Variants in FAT2 observed in about 807,000 individuals in gnomAD.
The protein encoded by FAT2 is FAT atypical cadherin 2.
A neutral mutation model predicts 295.3 loss-of-function variants in FAT2; 150 were observed. The observed-to-expected ratio is 0.51, with a 90% CI of 0.44 to 0.58. FAT2 has a LOEUF of 0.58. Ranked by LOEUF, FAT2 falls within the 20% of genes least tolerant of loss-of-function variation. The pLI is 0.00. For missense variants in FAT2, 4,868 were observed against 5,442.7 expected, an observed-to-expected ratio of 0.89 and a Z score of 3.32; for synonymous variants, 2,026 against 2,150.3, an observed-to-expected ratio of 0.94 and a Z score of 1.60.
rs201177490 is a variant in FAT2, at chr5:151,540,686, G to A, written c.8920C>T (p.Arg2974Cys). 3.0e-5 allele frequency: 48 copies of A among 1,614,046 alleles called. No individual in the cohort carries two copies. The highest frequency in any genetic ancestry group is 8.0e-5 in the African/African-American group (6 of 74,926). Residue 2974 changes from arginine (R) to cysteine (C), a missense_variant, in exon 11 of 24, where the codon CGC becomes TGC. Around this residue, in one of 5 missense-constraint regions of FAT2, gnomAD observed 3,297 missense variants for 3,669.4 expected, o/e 0.90. Transcript: ENST00000261800. ...AGCAAGTACTTGGCTGTATGCTCGC[G>A]GTCCAGGGTCTTCCTTGAGGAAATC... ...WRISSRKTLDREHTAKYLLRV... is the reference protein window; with the variant it reads ...WRISSRKTLDCEHTAKYLLRV...
In FAT2 at chr5:151,568,494, A is replaced by G. The variant is rs201078770; in HGVS notation, c.438T>C (p.Pro146=). ...VHILDQNDLK[P]LFSPPSYRVT... Reference sequence around the variant, plus strand: ...CTCTGTACGAAGGTGGAGAGAAGAGAGGCTTCAGGTCATTCTGGTCCAGGA... The same window carrying G: ...CTCTGTACGAAGGTGGAGAGAAGAGGGGCTTCAGGTCATTCTGGTCCAGGA... The change falls in exon 2 of 24, where the codon CCT becomes CCC. Residue 146 remains proline (P), a synonymous_variant. Transcript: ENST00000261800. 1.2e-4 allele frequency: 191 copies of G among 1,613,944 alleles called. No individual in the cohort carries two copies. The highest frequency in any genetic ancestry group is 1.3e-4 in the Non-Finnish European group (158 of 1,180,034).
At position 151,537,833 on chromosome 5, in the gene FAT2, A is replaced by G; in HGVS notation, c.9153T>C (p.His3051=). Residue 3051 remains histidine, a synonymous_variant, in exon 12 of 24, where the codon CAT becomes CAC. Coordinates refer to ENST00000261800, the MANE Select transcript of FAT2 (RefSeq NM_001447.3). ...DTNAQITYSL[H]GPGAHEFKLD... ...GCTTGAATTCATGCGCCCCAGGGCC[A>G]TGCAGAGAATATGTGATCTGAGCAT... The G allele has an allele frequency of 3.7e-6, 6 of 1,614,176 alleles. No homozygotes were observed. Among genetic ancestry groups the G allele is most frequent in the Non-Finnish European group, 5.1e-6 (6 of 1,179,994 alleles).
At position 151,540,735 on chromosome 5, in the gene FAT2, G is replaced by A. The variant is rs549589191; in HGVS notation, c.8871C>T (p.Ile2957=). ...TCCTCCACTCATCTCCAACTTGGCT[G>A]ATGCCAAACTGGCCCAGGGGGTCTC... ...TEGDPLGQFG[I]SQVGDEWRIS... Residue 2957 remains isoleucine, a synonymous_variant, in exon 11 of 24, where the codon ATC becomes ATT. Coordinates refer to ENST00000261800, the MANE Select transcript of FAT2 (RefSeq NM_001447.3). 3 of 1,613,944 alleles carry A rather than the reference G, an allele frequency of 1.9e-6. No individual in the cohort carries two copies. Among genetic ancestry groups the A allele is most frequent in the South Asian group, 2.2e-5 (2 of 91,048 alleles).
Position 151,531,708 on chromosome 5 carries a change from G to T in FAT2, c.9690C>A (p.Asp3230Glu). The T allele has an allele frequency of 6.2e-7, 1 of 1,613,864 alleles. No individual in the cohort carries two copies. The highest frequency in any genetic ancestry group is 8.5e-7 in the Non-Finnish European group (1 of 1,179,944). Residue 3230 changes from aspartate (D) to glutamate (E), a missense_variant, in exon 14 of 24, where the codon GAC (aspartate) becomes GAA (glutamate). This residue lies in a region of FAT2 where 1,046 missense variants were observed against 1,210.1 expected (regional missense o/e 0.86). Coordinates refer to ENST00000261800, the MANE Select transcript of FAT2 (RefSeq NM_001447.3). The surrounding 1 kb of genome is among the most constrained non-coding windows in gnomAD (Gnocchi z 5.7). Reference sequence around the variant, plus strand: ...GCAGCACCTCCGTGCCAGGTGGGGCGTCCTCGGGCACCTGCACGCTGTGCT... The same window carrying T: ...GCAGCACCTCCGTGCCAGGTGGGGCTTCCTCGGGCACCTGCACGCTGTGCT... ...NTEHSVQVPE[D>E]APPGTEVLQL...
At position 151,505,880 on chromosome 5, in the gene FAT2, G is replaced by A. The variant is rs1760814686; in HGVS notation, c.12735C>T (p.Asn4245=). ...AGGGCATCAGATCTTCCAGGTTCTG[G>A]TTGCTGTAACGGGGTGGGAGAGGTG... ...KRAPLPPRYS[N]QNLEDLMPSR... is the part of the protein sequence containing the mutation. Residue 4245 remains asparagine (N), a synonymous_variant, in exon 24 of 24, where the codon AAC becomes AAT. Coordinates refer to ENST00000261800, the MANE Select transcript of FAT2 (RefSeq NM_001447.3). 21 of 1,605,726 alleles carry A rather than the reference G, an allele frequency of 1.3e-5. No individual in the cohort carries two copies. The highest frequency in any genetic ancestry group is 1.4e-5 in the Non-Finnish European group (16 of 1,177,540).
chr5:151,560,502 C>T (rs980941059), intron 3 of FAT2, among the ~76,000 whole-genome samples: 3 of 152,276 alleles, frequency 2.0e-5, no homozygotes, highest in East Asian at 1.9e-4. Context: ...TTTGCTCTCC[C>T]GGACTGCTGC....
Position 151,568,069 on chromosome 5 carries a change from G to A in FAT2, c.863C>T (p.Ser288Leu), listed in dbSNP as rs1758362652. The part of the protein sequence containing the change: ...DANSSGAEVE[S>L]VEVVGGDPGK... The stretch of plus-strand genomic sequence containing the variant: ...AGGGTCACCACCAACAACTTCCACT[G>A]ACTCCACTTCAGCTCCTGAGCTATT... The change falls in exon 2 of 24, where the codon TCA becomes TTA. Residue 288 changes from serine (S) to leucine (L), a missense_variant. Physicochemically the swap from Ser to Leu is moderately radical, Grantham distance 145 (BLOSUM62 -2). Around this residue, in one of 5 missense-constraint regions of FAT2, gnomAD observed 3,297 missense variants for 3,669.4 expected, o/e 0.90. Transcript: ENST00000261800. 1.2e-6 allele frequency: 2 copies of A among 1,614,070 alleles called. No homozygotes were observed. Among genetic ancestry groups the A allele is most frequent in the Non-Finnish European group, 1.7e-6 (2 of 1,180,036 alleles).
In FAT2 at chr5:151,505,702, C is replaced by G. The variant is rs145577993; in HGVS notation, c.12913G>C (p.Ala4305Pro). Residue 4305 changes from alanine (A) to proline (P), a missense_variant, in exon 24 of 24, where the codon GCT (alanine) becomes CCT (proline). Physicochemically the swap from Ala to Pro is conservative, Grantham distance 27. Coordinates refer to ENST00000261800, the MANE Select transcript of FAT2 (RefSeq NM_001447.3). ...YKGVGMRLSR[A>P]GPSYAVCEVE... ...TCACAGACAGCATAAGAGGGCCCAG[C>G]TCGGCTGAGGCGCATACCCACCCCC... 4.3e-6 allele frequency: 7 copies of G among 1,613,938 alleles called. No homozygotes were observed. The Admixed American group carries it at 1.2e-4, about 27-fold the overall frequency.
chr5:151,564,948 C>T (rs1758181637), intron 2 of FAT2, among the ~76,000 whole-genome samples: 1 of 152,060 alleles, frequency 6.6e-6, no homozygotes, highest in Non-Finnish European at 1.5e-5. Flanking sequence ...TGGTGGGTGC[C>T]TGTAATTCCA....
At chr5:151,546,879 CATTTTTAATATA>C (rs893450439) in intron 9 of FAT2, among the ~76,000 whole-genome samples, 25 of 152,176 alleles carry the variant, frequency 1.6e-4, no homozygotes, top group African/African-American at 6.0e-4. Context: ...TGCCTGGCTA[CATTTTTAATATA>C]ATTTTTAATA....
rs1173099241 is a variant in FAT2, at chr5:151,591,273, C to T, written c.-129G>A. Among the ~76,000 whole-genome samples, 2 of 152,192 alleles carry T rather than the reference C, an allele frequency of 1.3e-5. No individual in the cohort carries two copies. Among genetic ancestry groups the T allele is most frequent in the Non-Finnish European group, 2.9e-5 (2 of 68,038 alleles). On this transcript the variant is annotated 5_prime_UTR_variant, in exon 1 of 24. Coordinates refer to ENST00000261800, the MANE Select transcript of FAT2 (RefSeq NM_001447.3). ...CTGAGGGAGGTGCAGAGACTCGGAG[C>T]AGGAAGGCGCGCAGCCCGCAGCCGG...
intron 9 of FAT2, among the ~76,000 whole-genome samples, chr5:151,547,902 T>A (rs1756804643): frequency 6.6e-6 from 1 of 152,228 alleles, no homozygotes; most frequent in Non-Finnish European, 1.5e-5. Context: ...GTGTTCTTTA[T>A]ACATTCCTGT....
At chr5:151,565,647 A>ACGCGC in intron 2 of FAT2, 26 bp downstream of exon 2, 1 of 1,461,028 alleles carries the variant, frequency 6.8e-7, no homozygotes. Context: ...TGGCCCTGGC[A>ACGCGC]CCCCACCCTA....
At chr5:151,549,167 A>T in intron 9 of FAT2, 128 bp downstream of exon 9, 1 of 807,954 alleles carries the variant, frequency 1.2e-6, no homozygotes. Flanking sequence ...GGAATGCTCT[A>T]GAATTATTGT....
rs773903540 is a variant in FAT2 at position 151,566,111 on chromosome 5, CG to C, written c.2820del (p.Thr942LeufsTer3). 5 of 1,614,030 alleles carry C rather than the reference CG, an allele frequency of 3.1e-6. No homozygotes were observed. The highest frequency in any genetic ancestry group is 2.2e-5 in the East Asian group (1 of 44,872). Reference protein sequence around the residue: ...NRLKVPEDLPPGTVLTFLDAS... With the variant: ...NRLKVPEDLPXGTVLTFLDAS... ...GCATCCAGAAATGTCAAGACAGTCC[CG>C]GGGGGCAGGTCCTCTGGAACCTTCA... is the stretch of plus-strand genomic sequence containing the variant. On this transcript the variant is annotated frameshift_variant, in exon 2 of 24. Coordinates refer to ENST00000261800, the MANE Select transcript of FAT2 (RefSeq NM_001447.3). LOFTEE classifies it high-confidence loss of function.
At chr5:151,588,616 G>A (rs946412124) in intron 1 of FAT2, among the ~76,000 whole-genome samples, 1 of 152,202 alleles carries the variant, frequency 6.6e-6, no homozygotes. Flanking sequence ...TTCTGTGCCA[G>A]GCACTGTCCT....
Position 151,543,452 on chromosome 5 carries a change from C to G in FAT2, c.7675G>C (p.Ala2559Pro). The part of the protein sequence containing the change: ...TERVIAIKVM[A>P]RDGGGRVAFC... ...GCTACTCTTCCTCCTCCATCCCGAG[C>G]CATGACCTTAATAGCAATGACTCTC... Residue 2559 changes from alanine to proline, a missense_variant, in exon 10 of 24, where the codon GCT (alanine) becomes CCT (proline). Physicochemically the swap from Ala to Pro is conservative, Grantham distance 27. Around this residue, in one of 5 missense-constraint regions of FAT2, gnomAD observed 3,297 missense variants for 3,669.4 expected, o/e 0.90. Coordinates refer to ENST00000261800, the MANE Select transcript of FAT2 (RefSeq NM_001447.3). The G allele has an allele frequency of 6.2e-7, 1 of 1,614,172 alleles. No homozygotes were observed. The highest frequency in any genetic ancestry group is 8.5e-7 in the Non-Finnish European group (1 of 1,180,030).
At chr5:151,555,448 G>A (rs967694689) in intron 4 of FAT2, among the ~76,000 whole-genome samples, 1 of 141,094 alleles carries the variant, frequency 7.1e-6, no homozygotes, top group Non-Finnish European at 1.5e-5. Context: ...TCAGCTCACT[G>A]CAACCTCCGT....
At position 151,528,116 on chromosome 5, in the gene FAT2, T is replaced by C; in HGVS notation, c.10044A>G (p.Glu3348=). ...TAATGTCACTATTTAGGGGTCCATC[T>C]TCATCAGTCGCTGATACCTGCGGTG... The part of the protein sequence containing the change: ...DVILTVSATD[E]DGPLNSDITY... The change falls in exon 16 of 24, where the codon GAA becomes GAG. Residue 3348 remains glutamate, a synonymous_variant. Transcript: ENST00000261800. The C allele has an allele frequency of 2.5e-6, 4 of 1,614,074 alleles. No individual in the cohort carries two copies. Among genetic ancestry groups the C allele is most frequent in the Middle Eastern group, 1.6e-4 (1 of 6,062 alleles).
Sources: allele counts gnomAD v4.1 joint callset (sites outside exome capture counted in the v4.1 genomes callset), GRCh38; gene constraint gnomAD v4.1.1; regional missense constraint gnomAD v4.1.1; non-coding constraint Gnocchi (gnomAD v3.1); transcripts MANE v1.5; gene names NCBI Gene and HGNC (gene_info 2026-07-23, HGNC 2026-07-21).